The following ACCSL variants were observed in gnomAD, a reference collection of about 807,000 sequenced individuals.
The protein encoded by ACCSL is 1-aminocyclopropane-1-carboxylate synthase homolog (inactive) like.
In ACCSL, 55 loss-of-function variants were observed where a neutral mutation model predicts 61.7. The ratio of observed to expected loss-of-function variants is 0.89; its 90% CI spans 0.72 to 1.12. ACCSL has a LOEUF of 1.12. ACCSL is among the 50% of genes most tolerant of loss of function. ACCSL has a pLI of 0.00. For synonymous variants in ACCSL, 258 were observed against 264.3 expected, an observed-to-expected ratio of 0.98 and a Z score of 0.23; for missense variants, 632 against 698.0, an observed-to-expected ratio of 0.91 and a Z score of 1.07.
Position 44,048,403 on chromosome 11 carries a change from C to A in ACCSL, c.367C>A (p.Leu123Met), listed in dbSNP as rs752724012. 2.5e-6 allele frequency: 4 copies of A among 1,614,050 alleles called. No homozygotes were observed. The highest frequency in any genetic ancestry group is 3.3e-5 in the Admixed American group (2 of 60,014). The change falls in exon 1 of 14, where the codon CTG becomes ATG. Residue 123 changes from leucine to methionine, a missense_variant. By Grantham distance (15) the Leu-to-Met change is conservative (BLOSUM62 2). Transcript: ENST00000378832. ...TGGGCAGCCTGATCCAGTTCCCCAACTGAGTGATTGTGAAGCTGCCTTTGT... is the reference window on the plus strand; with the variant it reads ...TGGGCAGCCTGATCCAGTTCCCCAAATGAGTGATTGTGAAGCTGCCTTTGT... ...LSGQPDPVPQ[L>M]SDCEAAFVNR...
chr11:44,014,483 CAGAGAGAGAGAGAG>C, the ACCSL span, among the ~76,000 whole-genome samples: 4,351 of 128,960 alleles, frequency 0.034, 141 homozygotes, highest in African/African-American at 0.091. Context: ...GAGAGATAGC[CAGAGAGAGAGAGAG>C]AGAGAGAGAG....
At chr11:43,996,582 C>G in the ACCSL span, among the ~76,000 whole-genome samples, 1 of 152,150 alleles carries the variant, frequency 6.6e-6, no homozygotes, top group Admixed American at 6.5e-5. Context: ...ATGGGGGTGA[C>G]AGGACCAGGT....
chr11:44,017,309 A>G, the ACCSL span, among the ~76,000 whole-genome samples: 2 of 152,230 alleles, frequency 1.3e-5, no homozygotes, highest in Non-Finnish European at 2.9e-5. Flanking sequence ...GTGAAAAGTC[A>G]GGGCTCACAC....
At chr11:44,029,117 A>G in the ACCSL span, among the ~76,000 whole-genome samples, 3 of 152,176 alleles carry the variant, frequency 2.0e-5, no homozygotes, top group Non-Finnish European at 4.4e-5. Context: ...TCTTTTCCAC[A>G]CTGTAATCAG....
intron 2 of ACCSL, 42 bp downstream of exon 2, chr11:44,050,163 G>A (rs1203887121): frequency 1.3e-6 from 2 of 1,548,866 alleles, no homozygotes; most frequent in East Asian, 2.2e-5. Flanking sequence ...CCCCTTCAAG[G>A]CTTAGTCCCC....
rs1054498689 is a variant in ACCSL, at chr11:44,058,815, A to C, written c.1624+116A>C. ...ATCTAGCCCTTTATTCCCTGTTTCCATGTCTATCTTTAGTTAGGTGCTCTT... is the reference window on the plus strand; with the variant it reads ...ATCTAGCCCTTTATTCCCTGTTTCCCTGTCTATCTTTAGTTAGGTGCTCTT... On this transcript the variant is annotated intron_variant, in intron 13 of 13. Coordinates refer to ENST00000378832, the MANE Select transcript of ACCSL (RefSeq NM_001031854.2). The C allele has an allele frequency of 7.1e-6, 9 of 1,275,242 alleles. No individual in the cohort carries two copies. In the South Asian group the frequency reaches 9.4e-5, roughly 13 times the overall value. The allele number at this position is 1,275,242 out of a possible 1,614,324, so 79.0% of individuals were successfully genotyped here. A position where few individuals can be genotyped will look rare whatever the true frequency, so the allele number is the denominator to read the frequency against.
the ACCSL span, among the ~76,000 whole-genome samples, chr11:43,932,097 C>T: frequency 7.2e-4 from 110 of 152,240 alleles, 1 homozygote; most frequent in East Asian, 0.016. Flanking sequence ...GGCATCATTG[C>T]GACCCTAATT....
the ACCSL span, among the ~76,000 whole-genome samples, chr11:43,989,539 T>A: frequency 1.7e-3 from 256 of 152,326 alleles, no homozygotes; most frequent in Non-Finnish European, 3.0e-3. Flanking sequence ...GGGCCTGACC[T>A]TGGCCTTCCT....
the ACCSL span, chr11:43,945,232 A>G: frequency 3.9e-5 from 6 of 152,368 alleles, no homozygotes; most frequent in African/African-American, 1.4e-4. Flanking sequence ...CAAAGGCCTC[A>G]GAGATGTGAG....
chr11:43,943,453 G>C, the ACCSL span: 1 of 1,425,610 alleles, frequency 7.0e-7, no homozygotes, highest in African/African-American at 1.4e-5. This position sits in a 1 kb window ranked among gnomAD's most constrained non-coding sequence, Gnocchi z 4.8. Context: ...CGCCGCGCTC[G>C]CCCTGGCCCG....
the ACCSL span, among the ~76,000 whole-genome samples, chr11:43,962,801 G>T: frequency 6.6e-6 from 1 of 152,288 alleles, no homozygotes; most frequent in South Asian, 2.1e-4. Context: ...ATCTTTCTGG[G>T]AATTGTTTTT....
chr11:43,970,844 T>C, the ACCSL span, among the ~76,000 whole-genome samples: 1 of 152,180 alleles, frequency 6.6e-6, no homozygotes, highest in Admixed American at 6.6e-5. Flanking sequence ...CCAGTAGCAT[T>C]TTAAGCACCT....
chr11:44,036,074 G>A, the ACCSL span, among the ~76,000 whole-genome samples: 3 of 152,182 alleles, frequency 2.0e-5, no homozygotes, highest in Non-Finnish European at 4.4e-5. Context: ...CAATGTAAGT[G>A]GTTTGAGCCA....
chr11:43,934,896 T>C, the ACCSL span, among the ~76,000 whole-genome samples: 2 of 152,140 alleles, frequency 1.3e-5, no homozygotes. Flanking sequence ...GAACTGGTGG[T>C]TGCTTTTTTA....
the ACCSL span, among the ~76,000 whole-genome samples, chr11:43,957,048 G>A: frequency 0.063 from 9,579 of 152,180 alleles, 327 homozygotes; most frequent in Middle Eastern, 0.11. Context: ...CAGGGAGGGC[G>A]AAGGAACAAT....
chr11:44,046,513 T>C (rs1952598189), upstream of ACCSL, among the ~76,000 whole-genome samples: 1 of 152,218 alleles, frequency 6.6e-6, no homozygotes, highest in Non-Finnish European at 1.5e-5. Context: ...ACTGAACAAG[T>C]AACAATATTA....
At chr11:43,978,783 GTTTTTTTTTT>G in the ACCSL span, among the ~76,000 whole-genome samples, 7 of 79,084 alleles carry the variant, frequency 8.9e-5, no homozygotes, top group Middle Eastern at 0.012. Flanking sequence ...GAGAAGGTGG[GTTTTTTTTTT>G]TTTTTTTTTT....
chr11:43,957,133 C>T, the ACCSL span, among the ~76,000 whole-genome samples: 1 of 152,260 alleles, frequency 6.6e-6, no homozygotes, highest in Middle Eastern at 3.4e-3. Context: ...AGGTTAAGGA[C>T]CATGGCCATT....
At chr11:44,011,873 C>T in the ACCSL span, among the ~76,000 whole-genome samples, 2 of 152,036 alleles carry the variant, frequency 1.3e-5, no homozygotes, top group African/African-American at 4.8e-5. Context: ...GGATTCTGTT[C>T]AATTACCTAT....
Sources: gnomAD v4.1 joint callset for allele counts (sites outside exome capture counted in the v4.1 genomes callset) on GRCh38, gnomAD v4.1.1 for gene constraint, Gnocchi (gnomAD v3.1) non-coding constraint, MANE v1.5 for transcripts, NCBI Gene and HGNC (gene_info 2026-07-23, HGNC 2026-07-21) for gene names.